The following EYS variants were observed in gnomAD, a reference collection of about 807,000 sequenced individuals.
EYS encodes the protein protein eyes shut homolog.
EYS carries 250 observed loss-of-function variants against 282.1 expected under a neutral mutation model. That is an observed-to-expected ratio of 0.89 (90% CI 0.80 to 0.98). The LOEUF (loss-of-function observed/expected upper bound fraction) is 0.98. EYS is among the 50% of genes least tolerant of loss of function. The probability of loss-of-function intolerance (pLI) is 0.00; values close to 1 mark genes in which losing one functional copy is unlikely to be tolerated. For missense variants in EYS, 4,016 were observed against 3,709.0 expected (o/e 1.08, Z -2.15); for synonymous variants, 1,355 against 1,282.9 (o/e 1.06, Z -1.20).
chr6:64,470,229 A>C (rs551393933), intron 26 of EYS, among the ~76,000 whole-genome samples: 2 of 152,140 alleles, frequency 1.3e-5, no homozygotes, highest in Non-Finnish European at 2.9e-5. Context: ...TCTTGTCTCC[A>C]CACACAGCGA....
chr6:65,317,461 C>T (rs1769323703), intron 11 of EYS, among the ~76,000 whole-genome samples: 1 of 151,972 alleles, frequency 6.6e-6, no homozygotes, highest in Admixed American at 6.6e-5. Context: ...TTTTGTTTTC[C>T]TATTGTTACG....
At chr6:65,205,000 A>T (rs1315938) in intron 12 of EYS, among the ~76,000 whole-genome samples, 1 of 102,532 alleles carries the variant, frequency 9.8e-6, no homozygotes, top group African/African-American at 4.5e-5. Flanking sequence ...TATATATTCT[A>T]GAAGAATATA....
At chr6:63,992,072 T>C (rs568442240) in intron 34 of EYS, among the ~76,000 whole-genome samples, 3 of 151,986 alleles carry the variant, frequency 2.0e-5, no homozygotes, top group African/African-American at 7.2e-5. Flanking sequence ...TCATTACATG[T>C]TCCTTACAAG....
chr6:65,260,192 G>A (rs377537683), intron 12 of EYS, among the ~76,000 whole-genome samples: 8 of 152,074 alleles, frequency 5.3e-5, no homozygotes, highest in East Asian at 3.9e-4. Context: ...ATCACATCTC[G>A]TGAGAACTCA....
chr6:64,703,898 G>A (rs1770882484), intron 22 of EYS, among the ~76,000 whole-genome samples: 1 of 151,934 alleles, frequency 6.6e-6, no homozygotes. Context: ...AATAACGAGG[G>A]CATTATTATT....
chr6:64,847,570 T>A (rs976630802), intron 19 of EYS, among the ~76,000 whole-genome samples: 1 of 152,046 alleles, frequency 6.6e-6, no homozygotes, highest in African/African-American at 2.4e-5. Flanking sequence ...AATAATGTCT[T>A]GTAAGTCCAT....
At chr6:65,700,111 T>C (rs951029311) in intron 1 of EYS, among the ~76,000 whole-genome samples, 1 of 47,022 alleles carries the variant, frequency 2.1e-5, no homozygotes, top group Non-Finnish European at 3.4e-5. Flanking sequence ...CGAGACTCCG[T>C]CTCAAAAAAA....
At chr6:65,294,813 T>C (rs905586318) in intron 12 of EYS, among the ~76,000 whole-genome samples, 2 of 151,988 alleles carry the variant, frequency 1.3e-5, no homozygotes, top group African/African-American at 4.8e-5. Context: ...CAGACACCTA[T>C]ATTTTAACAA....
At chr6:63,954,615 G>A (rs564536169) in intron 35 of EYS, among the ~76,000 whole-genome samples, 21 of 152,264 alleles carry the variant, frequency 1.4e-4, no homozygotes, top group African/African-American at 5.1e-4. Context: ...CCATCATTCA[G>A]GGTAACGCTT....
intron 12 of EYS, among the ~76,000 whole-genome samples, chr6:65,114,202 A>C (rs1775299805): frequency 6.6e-6 from 1 of 152,040 alleles, no homozygotes; most frequent in Non-Finnish European, 1.5e-5. Flanking sequence ...CATTACATAA[A>C]AAATGTTAAA....
chr6:65,576,117 C>T (rs559926787), intron 2 of EYS, among the ~76,000 whole-genome samples: 155 of 151,942 alleles, frequency 1.0e-3, no homozygotes, highest in Non-Finnish European at 1.8e-3. Context: ...TCAGAGAGCA[C>T]ACTACAACAA....
At chr6:65,505,439 C>A (rs886810779) in intron 2 of EYS, among the ~76,000 whole-genome samples, 6 of 151,328 alleles carry the variant, frequency 4.0e-5, no homozygotes, top group African/African-American at 9.7e-5. Context: ...TATTTCTCTT[C>A]TTTTGCTTAG....
rs1190932109 is a variant in EYS at position 63,720,773 on chromosome 6, A to G, written c.9258T>C (p.Tyr3086=). The change falls in exon 43 of 43, where the codon TAT becomes TAC. Residue 3086 remains tyrosine, a synonymous_variant. Transcript: ENST00000503581. The part of the protein sequence containing the change: ...FVALNYDGIC[Y]LGGFEYGRKV... ...TTCTACCATATTCAAAGCCCCCTAGATAACAAATGCCATCATAGTTTAGAG... is the reference window on the plus strand; with the variant it reads ...TTCTACCATATTCAAAGCCCCCTAGGTAACAAATGCCATCATAGTTTAGAG... The G allele has an allele frequency of 3.9e-6, 6 of 1,550,772 alleles. No individual in the cohort carries two copies. The highest frequency in any genetic ancestry group is 4.4e-6 in the Non-Finnish European group (5 of 1,146,486).
rs575451631 is a variant in EYS, at chr6:65,500,646, A to C, written c.-332-4653T>G. 6.6e-5 allele frequency among the ~76,000 whole-genome samples: 10 copies of C among 152,202 alleles called. 1 individual carries two copies. The South Asian group carries it at 2.1e-3, about 31-fold the overall frequency. ...TCAACTTCTTCATAAAGCTGTGTTT[A>C]AACTCAGATCTCTAGCTTGAGCACC... On this transcript the variant is annotated intron_variant, in intron 2 of 42. Transcript: ENST00000503581.
chr6:64,429,089 C>T (rs1774503043), intron 28 of EYS, among the ~76,000 whole-genome samples: 1 of 151,936 alleles, frequency 6.6e-6, no homozygotes, highest in South Asian at 2.1e-4. Context: ...AGAAAAAAAC[C>T]CCAAAACTCT....
intron 39 of EYS, chr6:63,787,025 T>G (rs1487888681): frequency 3.3e-5 from 5 of 152,102 alleles, no homozygotes; most frequent in Non-Finnish European, 7.4e-5. Flanking sequence ...AGAAGAATGA[T>G]AAAATTAGGG....
intron 30 of EYS, among the ~76,000 whole-genome samples, chr6:64,249,864 A>G (rs1302581534): frequency 6.6e-6 from 1 of 152,076 alleles, no homozygotes; most frequent in African/African-American, 2.4e-5. Flanking sequence ...GCCCAAACAC[A>G]ATTGGAAGTC....
At position 64,145,870 on chromosome 6, in the gene EYS, C is replaced by G. The variant is rs537611796; in HGVS notation, c.6425-63868G>C. 3.3e-5 allele frequency among the ~76,000 whole-genome samples: 5 copies of G among 152,220 alleles called. No individual in the cohort carries two copies. The East Asian group carries it at 9.7e-4, about 29-fold the overall frequency. On this transcript the variant is annotated intron_variant, in intron 31 of 42. Coordinates refer to ENST00000503581, the MANE Select transcript of EYS (RefSeq NM_001142800.2). ...TAGCCATGACTCAAGGTGAATTTATCATAAAGCTCATGTAGCTTAAGCTTC... is the reference window on the plus strand; with the variant it reads ...TAGCCATGACTCAAGGTGAATTTATGATAAAGCTCATGTAGCTTAAGCTTC...
In EYS at chr6:65,519,775, G is replaced by A. The variant is rs572811532; in HGVS notation, c.-332-23782C>T. Among the ~76,000 whole-genome samples the A allele has an allele frequency of 5.2e-5, 7 of 133,804 alleles. No individual in the cohort carries two copies. The South Asian group carries it at 1.7e-3, about 32-fold the overall frequency. 87.8% of individuals were successfully genotyped at this position (133,804 alleles called of 152,430 possible). ...CTGTCACCCAGGCTGGAGTGTAGTG[G>A]AGTGCTCACAGTTCACTGCAGCCTC... On this transcript the variant is annotated intron_variant, in intron 2 of 42. Transcript: ENST00000503581.
Sources: gnomAD v4.1 joint callset for allele counts (sites outside exome capture counted in the v4.1 genomes callset) on GRCh38, gnomAD v4.1.1 for gene constraint, MANE v1.5 for transcripts, NCBI Gene and HGNC (gene_info 2026-07-23, HGNC 2026-07-21) for gene names.